Variants in ODF2L observed in about 807,000 individuals in gnomAD.
ODF2L encodes protein BCAP.
Under a neutral mutation model 86.3 loss-of-function variants are expected in ODF2L, and 76 were observed. That is an observed-to-expected ratio of 0.88 (90% CI 0.73 to 1.07). ODF2L has a LOEUF of 1.07. Among genes scored for constraint, ODF2L ranks in the 50% least tolerant of loss-of-function variants. The probability of loss-of-function intolerance (pLI) is 0.00; values close to 1 mark genes in which losing one functional copy is unlikely to be tolerated. For missense variants in ODF2L, 748 were observed against 717.4 expected, an observed-to-expected ratio of 1.04 and a Z score of -0.49; for synonymous variants, 241 against 231.3, an observed-to-expected ratio of 1.04 and a Z score of -0.38.
At chr1:86,374,294 T>A (rs1206214081) in intron 8 of ODF2L, among the ~76,000 whole-genome samples, 5 of 152,152 alleles carry the variant, frequency 3.3e-5, no homozygotes, top group Non-Finnish European at 7.3e-5. Context: ...TATAAGTTTA[T>A]AATATAAATT....
intron 8 of ODF2L, among the ~76,000 whole-genome samples, chr1:86,375,793 G>A (rs1270635178): frequency 1.3e-5 from 2 of 152,142 alleles, no homozygotes; most frequent in South Asian, 2.1e-4. Flanking sequence ...GTTGCTTTGT[G>A]CATAAAAGAC....
At chr1:86,368,997 T>G (rs564164370) in intron 10 of ODF2L, among the ~76,000 whole-genome samples, 5 of 152,246 alleles carry the variant, frequency 3.3e-5, no homozygotes, top group Admixed American at 3.3e-4. Context: ...CAAAATATAG[T>G]TATCTCCAAG....
intron 11 of ODF2L, among the ~76,000 whole-genome samples, chr1:86,364,375 G>A (rs528707628): frequency 6.6e-6 from 1 of 152,282 alleles, no homozygotes; most frequent in South Asian, 2.1e-4. Context: ...AAGACTTTGG[G>A]AGGAAGTAGC....
At chr1:86,352,141 T>C in exon 18 of ODF2L, 2 of 1,492,138 alleles carry the variant, frequency 1.3e-6, no homozygotes, top group Non-Finnish European at 1.8e-6. Context: ...AACTCTTGAA[T>C]CTTTTAGGTT....
At chr1:86,381,435 C>T (rs1459854053) in intron 7 of ODF2L, among the ~76,000 whole-genome samples, 22 of 151,302 alleles carry the variant, frequency 1.5e-4, no homozygotes, top group Non-Finnish European at 1.5e-5. Flanking sequence ...TTTAAAGGAA[C>T]ACACACACAC....
At chr1:86,351,835 T>C in exon 18 of ODF2L, 2 of 961,758 alleles carry the variant, frequency 2.1e-6, no homozygotes, top group Non-Finnish European at 2.5e-6. Context: ...TTCCTAGGTA[T>C]TTTATTCTCT....
At chr1:86,355,212 G>T (rs1322237863) in intron 14 of ODF2L, 2 of 627,976 alleles carry the variant, frequency 3.2e-6, no homozygotes, top group African/African-American at 3.7e-5. Context: ...GGATACCTAG[G>T]GTTTCTCTTA....
intron 4 of ODF2L, among the ~76,000 whole-genome samples, chr1:86,383,793 C>T (rs1660749023): frequency 6.6e-6 from 1 of 151,608 alleles, no homozygotes; most frequent in Non-Finnish European, 1.5e-5. Flanking sequence ...TCCTTGGATC[C>T]ATAAGTGTTC....
chr1:86,387,341 A>C (rs1057012803), intron 1 of ODF2L, among the ~76,000 whole-genome samples: 1 of 152,206 alleles, frequency 6.6e-6, no homozygotes, highest in African/African-American at 2.4e-5. Context: ...AAGAGTGTAA[A>C]AATCTTTATT....
chr1:86,395,877 G>C (rs1194890964), intron 1 of ODF2L, 156 bp downstream of exon 1: 1 of 152,340 alleles, frequency 6.6e-6, no homozygotes, highest in East Asian at 1.9e-4. Flanking sequence ...GGGAGGTGGA[G>C]GGTTTGCGCG....
At chr1:86,393,458 C>G (rs1051965994) in intron 1 of ODF2L, among the ~76,000 whole-genome samples, 2 of 150,738 alleles carry the variant, frequency 1.3e-5, no homozygotes, top group African/African-American at 4.9e-5. Flanking sequence ...TAAAAGCTAC[C>G]AAAATGGAAA....
At chr1:86,385,126 A>C (rs989800388) in intron 3 of ODF2L, among the ~76,000 whole-genome samples, 4 of 151,982 alleles carry the variant, frequency 2.6e-5, no homozygotes, top group African/African-American at 9.6e-5. Context: ...ACTCCAAATA[A>C]TACTATAGAA....
chr1:86,382,214 T>C (rs769282217), intron 7 of ODF2L, 28 bp downstream of exon 7: 4 of 1,546,818 alleles, frequency 2.6e-6, no homozygotes, highest in Admixed American at 2.0e-5. Flanking sequence ...ACTTAAGCTA[T>C]AAAAATGGAT....
intron 11 of ODF2L, among the ~76,000 whole-genome samples, chr1:86,364,912 T>C (rs929707547): frequency 1.3e-5 from 2 of 152,238 alleles, no homozygotes; most frequent in Non-Finnish European, 2.9e-5. Flanking sequence ...TATGGTGAAG[T>C]TGAATCTTAA....
chr1:86,356,585 C>A lies in ODF2L; in HGVS notation c.1377G>T (p.Glu459Asp), dbSNP rs767154460. ...CACGCTCTAACTCCTTCAGATGAGA[C>A]TCCATCTGGCCTCTCATCTGAGTTG... Residue 459 changes from glutamate to aspartate, a missense_variant, in exon 14 of 18, where the codon GAG (glutamate) becomes GAT (aspartate). Glu to Asp is a conservative substitution (Grantham distance 45, BLOSUM62 2). Coordinates refer to ENST00000317336, the Ensembl canonical transcript of ODF2L. The A allele has an allele frequency of 1.1e-5, 18 of 1,613,530 alleles. No homozygotes were observed. Among genetic ancestry groups the A allele is most frequent in the South Asian group, 7.7e-5 (7 of 91,004 alleles).
chr1:86,384,501 G>A (rs535755578), intron 4 of ODF2L, among the ~76,000 whole-genome samples, 175 bp downstream of exon 4: 44 of 151,836 alleles, frequency 2.9e-4, no homozygotes, highest in African/African-American at 9.9e-4. Flanking sequence ...CTATAAAAAC[G>A]TGGTGTTCAT....
exon 2 of ODF2L, chr1:86,387,014 A>C (rs1488433773): frequency 1.3e-6 from 2 of 1,560,122 alleles, no homozygotes; most frequent in South Asian, 2.4e-5. Context: ...TCCATCATTT[A>C]CAGCCTTCTC....
At chr1:86,376,464 G>A in intron 7 of ODF2L, 46 bp from the exon 8 acceptor site, 1 of 1,219,272 alleles carries the variant, frequency 8.2e-7, no homozygotes, top group Non-Finnish European at 1.2e-6. Context: ...GAACTCCAAT[G>A]TTTATGTAAA....
exon 1 of ODF2L, chr1:86,396,064 A>T (rs1041237022): frequency 6.6e-6 from 1 of 152,332 alleles, no homozygotes; most frequent in Non-Finnish European, 1.5e-5. Flanking sequence ...CGTCGTCGTG[A>T]CGACAGCCCG....
Sources: allele counts gnomAD v4.1 joint callset (sites outside exome capture counted in the v4.1 genomes callset), GRCh38; gene constraint gnomAD v4.1.1; transcripts MANE v1.5; gene names NCBI Gene and HGNC (gene_info 2026-07-23, HGNC 2026-07-21).